BBX: variants seen among roughly 807,000 people sequenced by gnomAD.
The protein encoded by BBX is HMG box transcription factor BBX.
A neutral mutation model predicts 100.2 loss-of-function variants in BBX; 30 were observed. The observed-to-expected ratio is 0.30, with a 90% CI of 0.22 to 0.41. The LOEUF (loss-of-function observed/expected upper bound fraction) is 0.41, where lower values mean the gene tolerates loss of function less well. Among genes scored for constraint, BBX ranks in the 10% least tolerant of loss-of-function variants. BBX has a pLI of 1.00. For missense variants in BBX, 1,023 were observed against 1,129.8 expected (o/e 0.91, Z 1.35); for synonymous variants, 376 against 388.1 (o/e 0.97, Z 0.37).
chr3:107,622,459 A>G (rs185701271), intron 2 of BBX, among the ~76,000 whole-genome samples: 5 of 152,340 alleles, frequency 3.3e-5, no homozygotes, highest in Admixed American at 3.3e-4. Flanking sequence ...GTGGGATTGC[A>G]TACATATCCT....
At chr3:107,710,800 G>A (rs2061669533) in intron 4 of BBX, among the ~76,000 whole-genome samples, 178 bp downstream of exon 4, 1 of 152,116 alleles carries the variant, frequency 6.6e-6, no homozygotes, top group Non-Finnish European at 1.5e-5. Flanking sequence ...TAAAGTATTT[G>A]TACTTCCTAA....
At chr3:107,626,307 A>G (rs916956939) in intron 2 of BBX, among the ~76,000 whole-genome samples, 3 of 152,248 alleles carry the variant, frequency 2.0e-5, no homozygotes, top group African/African-American at 7.2e-5. Flanking sequence ...TGTTCCTAGC[A>G]TATCTGATAC....
intron 3 of BBX, among the ~76,000 whole-genome samples, chr3:107,659,290 C>T (rs1054976007): frequency 6.6e-6 from 1 of 151,750 alleles, no homozygotes; most frequent in African/African-American, 2.4e-5. Flanking sequence ...CTCTATTCCT[C>T]ATCAATTCAA....
rs568615487 is a variant in BBX at position 107,675,778 on chromosome 3, C to T, written c.-10+29869C>T. 1.8e-4 allele frequency among the ~76,000 whole-genome samples: 27 copies of T among 152,286 alleles called. 1 individual carries two copies. Among genetic ancestry groups the T allele is most frequent in the African/African-American group, 6.3e-4 (26 of 41,566 alleles). On this transcript the variant is annotated intron_variant, in intron 3 of 17. Coordinates refer to ENST00000325805, the MANE Select transcript of BBX (RefSeq NM_001142568.3). The stretch of plus-strand genomic sequence containing the variant: ...CTCTGCCACTAATTGGTTTGGTGAA[C>T]TTGAGCTAACCTTTAACTCCTGTGG...
rs1576137251 is a variant in BBX, at chr3:107,642,346, G to A, written c.-83-3490G>A. Among the ~76,000 whole-genome samples, 5 of 152,174 alleles carry A rather than the reference G, an allele frequency of 3.3e-5. No homozygotes were observed. The South Asian group carries it at 1.0e-3, about 32-fold the overall frequency. On this transcript the variant is annotated intron_variant, in intron 2 of 17. Coordinates refer to ENST00000325805, the MANE Select transcript of BBX (RefSeq NM_001142568.3). ...TGTAGTATATAAAATAATGAGTCAA[G>A]AAGAAGATAAGAATTGTATCCATGT...
intron 10 of BBX, among the ~76,000 whole-genome samples, chr3:107,757,754 C>T (rs1328024142): frequency 1.3e-5 from 2 of 152,088 alleles, no homozygotes; most frequent in Non-Finnish European, 2.9e-5. Flanking sequence ...ATTCATTTTT[C>T]ATTCACAAAA....
chr3:107,652,645 T>C (rs2057908340), intron 3 of BBX, among the ~76,000 whole-genome samples: 1 of 152,212 alleles, frequency 6.6e-6, no homozygotes, highest in African/African-American at 2.4e-5. Flanking sequence ...CTGCATTTAA[T>C]GCTACTCTGA....
At chr3:107,796,446 T>C (rs1367976843) in intron 15 of BBX, among the ~76,000 whole-genome samples, 1 of 152,224 alleles carries the variant, frequency 6.6e-6, no homozygotes, top group Admixed American at 6.5e-5. Flanking sequence ...TTCTGGAATG[T>C]CCATCCACAA....
intron 2 of BBX, among the ~76,000 whole-genome samples, chr3:107,576,306 A>T (rs1012088187): frequency 3.9e-5 from 6 of 152,232 alleles, no homozygotes; most frequent in Admixed American, 2.0e-4. Flanking sequence ...CTTAGAATTA[A>T]ATAGCTATTT....
At chr3:107,661,309 CCAG>C (rs1330498346) in intron 3 of BBX, among the ~76,000 whole-genome samples, 2 of 152,014 alleles carry the variant, frequency 1.3e-5, no homozygotes, top group African/African-American at 4.8e-5. Flanking sequence ...ATATAGGATA[CCAG>C]AAAAAGCAGT....
At position 107,651,577 on chromosome 3, in the gene BBX, A is replaced by G. The variant is rs939369311; in HGVS notation, c.-10+5668A>G. Among the ~76,000 whole-genome samples the G allele has an allele frequency of 4.1e-4, 63 of 152,188 alleles. 2 individuals are homozygous for G. Among genetic ancestry groups the G allele is most frequent in the Non-Finnish European group, 1.5e-5 (1 of 68,040 alleles). ...TGTTTCTGTTTACTTTATCAAGCCAATTCACATTTTGTAAGGCAATATTCT... is the reference window on the plus strand; with the variant it reads ...TGTTTCTGTTTACTTTATCAAGCCAGTTCACATTTTGTAAGGCAATATTCT... On this transcript the variant is annotated intron_variant, in intron 3 of 17. Transcript: ENST00000325805.
Position 107,791,242 on chromosome 3 carries a change from A to C in BBX, c.2296A>C (p.Ser766Arg). 6.2e-7 allele frequency: 1 copy of C among 1,612,526 alleles called. No individual in the cohort carries two copies. The highest frequency in any genetic ancestry group is 8.5e-7 in the Non-Finnish European group (1 of 1,178,942). The change falls in exon 15 of 18, where the codon AGT becomes CGT. Residue 766 changes from serine (S) to arginine (R), a missense_variant and splice_region_variant. By Grantham distance (110) the Ser-to-Arg change is moderately radical (BLOSUM62 -1). Around this residue, in one of 9 missense-constraint regions of BBX, gnomAD observed 215 missense variants for 211.3 expected, o/e 1.02. Transcript: ENST00000325805. Reference protein sequence around the residue: ...KEKPNVPEKGSGDKWSNKQLF... With the variant: ...KEKPNVPEKGRGDKWSNKQLF... ...TCCTTTTCTGTCATTGTTTTTAGGA[A>C]GTGGGGATAAATGGTCAAACAAGCA...
In BBX at chr3:107,526,282, A is replaced by C. The variant is rs1243493835; in HGVS notation, c.-155-45A>C. 13 of 398,440 alleles carry C rather than the reference A, an allele frequency of 3.3e-5. No homozygotes were observed. In the Admixed American group the frequency reaches 5.7e-4, roughly 18 times the overall value. The allele number at this position is 398,440 out of a possible 1,614,324, so 24.7% of individuals were successfully genotyped here. On this transcript the variant is annotated intron_variant, in intron 1 of 17. Transcript: ENST00000325805. Reference sequence around the variant, plus strand: ...CAGGACTTGGGACTGTACTATTGTAAAGCCCTACTATACTGATGATGTACC... The same window carrying C: ...CAGGACTTGGGACTGTACTATTGTACAGCCCTACTATACTGATGATGTACC...
chr3:107,764,815 T>A (rs1191601367), intron 10 of BBX, among the ~76,000 whole-genome samples: 1 of 152,232 alleles, frequency 6.6e-6, no homozygotes, highest in African/African-American at 2.4e-5. Flanking sequence ...AATGTAGCCT[T>A]ATTCACTTGA....
chr3:107,584,156 GAT>G (rs1297458652), intron 2 of BBX, among the ~76,000 whole-genome samples: 5 of 11,644 alleles, frequency 4.3e-4, no homozygotes, highest in African/African-American at 1.5e-3. Flanking sequence ...TATAATATAT[GAT>G]ATATATATTA....
At chr3:107,744,513 G>A (rs2064403516) in intron 7 of BBX, 117 bp from the exon 8 acceptor site, 1 of 742,652 alleles carries the variant, frequency 1.3e-6, no homozygotes. Context: ...TGATTAAAAA[G>A]TGATGTTTCT....
chr3:107,739,450 T>C (rs1428855839), intron 7 of BBX, among the ~76,000 whole-genome samples: 1 of 152,228 alleles, frequency 6.6e-6, no homozygotes, highest in Non-Finnish European at 1.5e-5. Flanking sequence ...TGGCTGGACC[T>C]GCCCATCCAA....
At chr3:107,732,466 C>T (rs1269590993) in intron 6 of BBX, among the ~76,000 whole-genome samples, 2 of 151,970 alleles carry the variant, frequency 1.3e-5, no homozygotes, top group Non-Finnish European at 2.9e-5. Context: ...TTGAATAAAA[C>T]CTACCAGATT....
chr3:107,585,600 A>T (rs2052772911), intron 2 of BBX, among the ~76,000 whole-genome samples: 4 of 152,084 alleles, frequency 2.6e-5, no homozygotes. Context: ...AACTCAATAT[A>T]CCAAAAATAC....
Sources: gnomAD v4.1 joint callset for allele counts (sites outside exome capture counted in the v4.1 genomes callset) on GRCh38, gnomAD v4.1.1 for gene constraint, gnomAD v4.1.1 regional missense constraint, MANE v1.5 for transcripts, NCBI Gene and HGNC (gene_info 2026-07-23, HGNC 2026-07-21) for gene names.